The following IHO1 variants were observed in gnomAD, a reference collection of about 807,000 sequenced individuals.
IHO1 encodes the protein interactor of HORMAD1 protein 1.
A neutral mutation model predicts 31.0 loss-of-function variants in IHO1; 13 were observed. The observed-to-expected ratio is 0.42, with a 90% CI of 0.27 to 0.67. The LOEUF is 0.67. Among genes scored for constraint, IHO1 ranks in the 30% least tolerant of loss-of-function variants. The pLI is 0.24. For synonymous variants in IHO1, 221 were observed against 248.4 expected, an observed-to-expected ratio of 0.89 and a Z score of 1.04; for missense variants, 599 against 687.5, an observed-to-expected ratio of 0.87 and a Z score of 1.44.
intron 2 of IHO1, among the ~76,000 whole-genome samples, chr3:49,216,920 A>T (rs1015429797): frequency 6.6e-6 from 1 of 152,246 alleles, no homozygotes; most frequent in Non-Finnish European, 1.5e-5. Context: ...GAGAAATGCA[A>T]GTCAAAAACC....
At chr3:49,202,762 G>A (rs1575562292) in intron 1 of IHO1, among the ~76,000 whole-genome samples, 2 of 149,404 alleles carry the variant, frequency 1.3e-5, no homozygotes, top group South Asian at 2.1e-4. Context: ...TGCAACCTCC[G>A]CCTCCTGGGT....
At chr3:49,219,342 C>T (rs1168132058) in intron 2 of IHO1, among the ~76,000 whole-genome samples, 1 of 152,232 alleles carries the variant, frequency 6.6e-6, no homozygotes, top group African/African-American at 2.4e-5. Flanking sequence ...CAACCAATAG[C>T]ATGAATGATT....
At chr3:49,243,299 T>C (rs1038407922) in intron 4 of IHO1, among the ~76,000 whole-genome samples, 1 of 152,054 alleles carries the variant, frequency 6.6e-6, no homozygotes, top group South Asian at 2.1e-4. Flanking sequence ...CGTGACACCA[T>C]GCCCAGCTAA....
intron 1 of IHO1, among the ~76,000 whole-genome samples, chr3:49,206,422 G>A (rs959196205): frequency 6.6e-6 from 1 of 151,040 alleles, no homozygotes; most frequent in African/African-American, 2.4e-5. Context: ...TAGAGATGGG[G>A]TTTCACCATG....
intron 1 of IHO1, among the ~76,000 whole-genome samples, chr3:49,201,513 C>G (rs1039127334): frequency 2.0e-5 from 3 of 152,040 alleles, no homozygotes; most frequent in Non-Finnish European, 4.4e-5. Flanking sequence ...ATCCCAGCTA[C>G]TCGGGAGGCT....
At chr3:49,248,815 A>G (rs1036245009) in intron 6 of IHO1, among the ~76,000 whole-genome samples, 4 of 152,236 alleles carry the variant, frequency 2.6e-5, no homozygotes, top group Non-Finnish European at 5.9e-5. Context: ...AATGAGCACA[A>G]GTAGCCTATC....
chr3:49,205,481 G>A (rs2046123840), intron 1 of IHO1, among the ~76,000 whole-genome samples: 1 of 151,918 alleles, frequency 6.6e-6, no homozygotes, highest in Admixed American at 6.6e-5. Context: ...AACACGCCTG[G>A]TGAATTTTTG....
intron 3 of IHO1, 56 bp from the exon 4 acceptor site, chr3:49,241,170 T>C: frequency 7.1e-7 from 1 of 1,416,644 alleles, no homozygotes; most frequent in South Asian, 1.4e-5. Flanking sequence ...CAGAAAATAG[T>C]GAATGCTATA....
intron 2 of IHO1, chr3:49,228,465 T>C: frequency 3.0e-6 from 1 of 338,276 alleles, no homozygotes; most frequent in Middle Eastern, 1.0e-3. Flanking sequence ...TAAGGAAAAA[T>C]AGAACAGAAT....
At chr3:49,197,601 G>A (rs570159085), upstream of IHO1, among the ~76,000 whole-genome samples, 7 of 152,168 alleles carry the variant, frequency 4.6e-5, no homozygotes, top group East Asian at 5.8e-4. Context: ...ATGGCCAGGC[G>A]TGGTGGCTCA....
intron 2 of IHO1, among the ~76,000 whole-genome samples, chr3:49,213,492 TG>T (rs1395907331): frequency 1.3e-5 from 2 of 152,236 alleles, no homozygotes; most frequent in African/African-American, 2.4e-5. Flanking sequence ...GATCCTGCAC[TG>T]GGGCCGCAGG....
At position 49,236,187 on chromosome 3, in the gene IHO1, C is replaced by T. The variant is rs553368075; in HGVS notation, c.57-361C>T. Among the ~76,000 whole-genome samples, 83 of 152,138 alleles carry T rather than the reference C, an allele frequency of 5.5e-4. 2 individuals carry two copies. The South Asian group carries it at 0.016, about 30-fold the overall frequency. On this transcript the variant is annotated intron_variant, in intron 2 of 7. Transcript: ENST00000452691. The stretch of plus-strand genomic sequence containing the variant: ...TCATGCCACTGCACTCCAGCCTGGG[C>T]GACAGAGTAGGATCCTGTCTCAAAA...
intron 2 of IHO1, among the ~76,000 whole-genome samples, chr3:49,233,774 T>G (rs2107714877): frequency 6.6e-6 from 1 of 152,358 alleles, no homozygotes; most frequent in Middle Eastern, 3.4e-3. Context: ...TGTGACATGT[T>G]CATTATGGCC....
intron 6 of IHO1, among the ~76,000 whole-genome samples, chr3:49,251,791 G>A (rs1273094071): frequency 6.6e-6 from 1 of 151,894 alleles, no homozygotes; most frequent in Non-Finnish European, 1.5e-5. Flanking sequence ...TAGTAGAGAC[G>A]GGGTTTCTCC....
the IHO1 span, among the ~76,000 whole-genome samples, chr3:49,192,627 T>C: frequency 6.6e-6 from 1 of 152,156 alleles, no homozygotes; most frequent in Admixed American, 6.5e-5. Flanking sequence ...CTGGGCTTGG[T>C]GGTTCACAAC....
intron 2 of IHO1, among the ~76,000 whole-genome samples, chr3:49,226,155 T>C (rs1044140682): frequency 6.6e-6 from 1 of 152,178 alleles, no homozygotes; most frequent in Non-Finnish European, 1.5e-5. Context: ...CCACCAAGGT[T>C]GGTTTGTCTG....
rs574951773 is a variant in IHO1 at position 49,237,887 on chromosome 3, C to CTTTTTTTTTTTTTT, written c.231+1183_231+1196dup. On this transcript the variant is annotated intron_variant, in intron 3 of 7. Transcript: ENST00000452691. ...TGTTTTGAGATTAACCTGTCTTTTC[C>CTTTTTTTTTTTTTT]TTTTTTTTTTTTTTTTTTTTTTTTT... Among the ~76,000 whole-genome samples, 21 of 51,440 alleles carry CTTTTTTTTTTTTTT rather than the reference C, an allele frequency of 4.1e-4. 4 individuals carry two copies. The highest frequency in any genetic ancestry group is 6.6e-4 in the Non-Finnish European group (20 of 30,512). 33.7% of individuals were successfully genotyped at this position (51,440 alleles called of 152,430 possible).
upstream of IHO1, among the ~76,000 whole-genome samples, chr3:49,196,816 G>A (rs552673363): frequency 5.8e-4 from 84 of 144,762 alleles, no homozygotes; most frequent in African/African-American, 1.5e-3. Flanking sequence ...GACTACAGGC[G>A]CCCACCACCA....
chr3:49,194,887 C>T (rs1250888172), upstream of IHO1, among the ~76,000 whole-genome samples: 2 of 151,692 alleles, frequency 1.3e-5, no homozygotes, highest in African/African-American at 4.8e-5. Flanking sequence ...CAGAATGAGA[C>T]CCCGTCTCAA....
Sources: allele counts gnomAD v4.1 joint callset (sites outside exome capture counted in the v4.1 genomes callset), GRCh38; gene constraint gnomAD v4.1.1; transcripts MANE v1.5; gene names NCBI Gene and HGNC (gene_info 2026-07-23, HGNC 2026-07-21).